Variants in PRKN observed in about 807,000 individuals in gnomAD.
The protein encoded by PRKN is E3 ubiquitin-protein ligase parkin.
A neutral mutation model predicts 59.5 loss-of-function variants in PRKN; 56 were observed. The ratio of observed to expected loss-of-function variants is 0.94; its 90% CI spans 0.76 to 1.18. The LOEUF is 1.18. PRKN is among the 50% of genes most tolerant of loss of function. PRKN has a pLI of 0.00. For missense variants in PRKN, 657 were observed against 596.4 expected, an observed-to-expected ratio of 1.10 and a Z score of -1.06; for synonymous variants, 250 against 222.1, an observed-to-expected ratio of 1.13 and a Z score of -1.12.
chr6:161,897,957 A>G (rs1327362753), intron 6 of PRKN, among the ~76,000 whole-genome samples: 11 of 109,398 alleles, frequency 1.0e-4, no homozygotes, highest in South Asian at 3.3e-4. Context: ...ACAGAGCGAG[A>G]CTCCGTCTCA....
chr6:161,972,172 G>A (rs1780839637), intron 6 of PRKN, among the ~76,000 whole-genome samples: 1 of 151,696 alleles, frequency 6.6e-6, no homozygotes, highest in Non-Finnish European at 1.5e-5. Context: ...TACTCGGGAG[G>A]CTGAGGCAGG....
chr6:161,437,465 G>A (rs1788976944), intron 9 of PRKN, among the ~76,000 whole-genome samples: 1 of 152,190 alleles, frequency 6.6e-6, no homozygotes, highest in South Asian at 2.1e-4. Flanking sequence ...TCGGTTGACT[G>A]TGAGTACCAG....
intron 2 of PRKN, among the ~76,000 whole-genome samples, chr6:162,414,726 A>AAAAAAAAAAAACAAGT (rs34838356): frequency 1.1e-5 from 1 of 91,870 alleles, no homozygotes; most frequent in African/African-American, 4.5e-5. Flanking sequence ...AAAAAAAAAA[A>AAAAAAAAAAAACAAGT]AGTGAATCTT....
At chr6:161,618,835 G>A (rs1203787351) in intron 7 of PRKN, among the ~76,000 whole-genome samples, 2 of 152,134 alleles carry the variant, frequency 1.3e-5, no homozygotes, top group African/African-American at 4.8e-5. Flanking sequence ...CTTTCACTAA[G>A]TGTAATTAAA....
At chr6:162,226,492 A>T (rs1778186151) in intron 3 of PRKN, among the ~76,000 whole-genome samples, 1 of 152,158 alleles carries the variant, frequency 6.6e-6, no homozygotes, top group Admixed American at 6.5e-5. Context: ...CTGCAAAGAC[A>T]TTTGGGAGGG....
intron 6 of PRKN, among the ~76,000 whole-genome samples, chr6:161,788,644 G>A (rs1790519364): frequency 6.6e-6 from 1 of 152,182 alleles, no homozygotes; most frequent in Non-Finnish European, 1.5e-5. Flanking sequence ...AGAGTGAGCA[G>A]TGAAGGGACT....
At chr6:162,501,513 AATTTTTT>A (rs1793372010) in intron 1 of PRKN, among the ~76,000 whole-genome samples, 1 of 126,570 alleles carries the variant, frequency 7.9e-6, no homozygotes, top group Non-Finnish European at 1.7e-5. Flanking sequence ...ACGCCTGGTT[AATTTTTT>A]TTTTTTTTTT....
intron 2 of PRKN, among the ~76,000 whole-genome samples, chr6:162,287,078 T>G (rs1369446678): frequency 3.3e-5 from 5 of 152,136 alleles, no homozygotes; most frequent in African/African-American, 9.7e-5. Context: ...CTCTATTGTC[T>G]CCAAAGGCTG....
intron 1 of PRKN, among the ~76,000 whole-genome samples, chr6:162,637,843 T>C (rs1777790610): frequency 1.3e-5 from 2 of 152,174 alleles, no homozygotes; most frequent in South Asian, 2.1e-4. Flanking sequence ...ACTTTGTTGA[T>C]ACTGATTTTC....
intron 2 of PRKN, among the ~76,000 whole-genome samples, chr6:162,414,922 T>C (rs1788551082): frequency 6.6e-6 from 1 of 152,092 alleles, no homozygotes; most frequent in South Asian, 2.1e-4. Context: ...TATAACTTGT[T>C]CCCAAACTTA....
chr6:161,366,928 A>G (rs938320700), intron 10 of PRKN, among the ~76,000 whole-genome samples: 3 of 142,284 alleles, frequency 2.1e-5, no homozygotes, highest in Non-Finnish European at 3.1e-5. Context: ...TTCTTGCTCA[A>G]TTAAACTCTG....
At chr6:162,226,636 C>T (rs1225211682) in intron 3 of PRKN, among the ~76,000 whole-genome samples, 2 of 152,146 alleles carry the variant, frequency 1.3e-5, no homozygotes, top group Admixed American at 6.5e-5. Flanking sequence ...TGGGTTCAAG[C>T]GATTCTCCTG....
At chr6:162,089,630 A>G (rs755769301) in intron 4 of PRKN, among the ~76,000 whole-genome samples, 3 of 152,250 alleles carry the variant, frequency 2.0e-5, no homozygotes, top group Non-Finnish European at 4.4e-5. Context: ...GGAAGTAGAA[A>G]CAACCCAGAT....
intron 2 of PRKN, among the ~76,000 whole-genome samples, chr6:162,371,402 C>A (rs1395109511): frequency 1.3e-5 from 2 of 152,160 alleles, no homozygotes; most frequent in African/African-American, 4.8e-5. Context: ...ACTGCCAACA[C>A]ACACAGGACT....
intron 1 of PRKN, among the ~76,000 whole-genome samples, chr6:162,611,001 GATTT>G (rs1481215565): frequency 6.6e-6 from 1 of 152,118 alleles, no homozygotes; most frequent in African/African-American, 2.4e-5. Flanking sequence ...ATTATCTTTA[GATTT>G]ATTTCCCTAA....
chr6:162,075,089 G>T (rs1243782556), intron 4 of PRKN, among the ~76,000 whole-genome samples: 1 of 152,180 alleles, frequency 6.6e-6, no homozygotes, highest in African/African-American at 2.4e-5. Flanking sequence ...AAAATAGTCT[G>T]GCTGTTGCAT....
chr6:162,413,534 T>G (rs1373074296), intron 2 of PRKN, among the ~76,000 whole-genome samples: 1 of 152,236 alleles, frequency 6.6e-6, no homozygotes, highest in African/African-American at 2.4e-5. Flanking sequence ...CAACAAAAGT[T>G]GGTTTAGGGC....
intron 3 of PRKN, among the ~76,000 whole-genome samples, chr6:162,227,905 G>A (rs1294819787): frequency 2.0e-5 from 3 of 149,944 alleles, no homozygotes; most frequent in African/African-American, 2.5e-5. Context: ...GACAAAGGAT[G>A]TTGTATTTTA....
chr6:161,897,918 G>C (rs1311894765), intron 6 of PRKN, among the ~76,000 whole-genome samples: 1 of 127,004 alleles, frequency 7.9e-6, no homozygotes, highest in East Asian at 2.3e-4. Flanking sequence ...AGTGAGCTGA[G>C]ATCGCGCCAC....
Sources: allele counts gnomAD v4.1 joint callset (sites outside exome capture counted in the v4.1 genomes callset), GRCh38; gene constraint gnomAD v4.1.1; transcripts MANE v1.5; gene names NCBI Gene and HGNC (gene_info 2026-07-23, HGNC 2026-07-21).